RABGAP1L: variants seen among roughly 807,000 people sequenced by gnomAD.
RABGAP1L encodes rab GTPase-activating protein 1-like.
A neutral mutation model predicts 137.7 loss-of-function variants in RABGAP1L; 63 were observed. The observed-to-expected ratio is 0.46, with a 90% CI of 0.37 to 0.56. The LOEUF is 0.56. RABGAP1L is among the 20% of genes least tolerant of loss of function. The pLI, the probability that RABGAP1L is intolerant of heterozygous loss-of-function variation, is 0.00. For missense variants in RABGAP1L, 1,095 were observed against 1,244.0 expected (o/e 0.88, Z 1.80); for synonymous variants, 431 against 433.7 (o/e 0.99, Z 0.08).
At chr1:174,293,947 G>T (rs1177788923) in intron 10 of RABGAP1L, among the ~76,000 whole-genome samples, 1 of 151,982 alleles carries the variant, frequency 6.6e-6, no homozygotes, top group Non-Finnish European at 1.5e-5. Flanking sequence ...TAGTTCAGAA[G>T]CAGCACTCAC....
chr1:174,886,925 G>A (rs1038262409), intron 19 of RABGAP1L, among the ~76,000 whole-genome samples: 5 of 151,944 alleles, frequency 3.3e-5, no homozygotes, highest in African/African-American at 9.7e-5. Flanking sequence ...TCTTGCCTCA[G>A]CCTCCTGATT....
At chr1:174,981,824 T>G (rs1269130478) in intron 23 of RABGAP1L, among the ~76,000 whole-genome samples, 1 of 152,148 alleles carries the variant, frequency 6.6e-6, no homozygotes, top group Non-Finnish European at 1.5e-5. Flanking sequence ...TCAGAATCAA[T>G]AAGAAGAATA....
intron 12 of RABGAP1L, among the ~76,000 whole-genome samples, chr1:174,379,270 G>A (rs1019308187): frequency 1.2e-4 from 18 of 148,936 alleles, no homozygotes; most frequent in African/African-American, 4.3e-4. Context: ...GGCGATGCGG[G>A]CTGTTTTTTG....
At chr1:174,170,173 A>G (rs1369568408) in intron 1 of RABGAP1L, among the ~76,000 whole-genome samples, 1 of 152,330 alleles carries the variant, frequency 6.6e-6, no homozygotes, top group East Asian at 1.9e-4. Flanking sequence ...TGTGAAATTC[A>G]GAGAGAATAA....
intron 1 of RABGAP1L, among the ~76,000 whole-genome samples, chr1:174,201,936 A>G (rs970181299): frequency 7.9e-5 from 12 of 151,582 alleles, no homozygotes; most frequent in African/African-American, 2.9e-4. Context: ...TTTGCTGAGA[A>G]TGATGGTTTC....
At chr1:174,928,904 A>C (rs1476523882) in intron 19 of RABGAP1L, among the ~76,000 whole-genome samples, 2 of 152,288 alleles carry the variant, frequency 1.3e-5, no homozygotes, top group East Asian at 3.9e-4. Flanking sequence ...CAAATATAGC[A>C]GTGATTTTCA....
At chr1:174,320,328 A>C (rs1679833633) in intron 11 of RABGAP1L, among the ~76,000 whole-genome samples, 2 of 152,148 alleles carry the variant, frequency 1.3e-5, no homozygotes, top group African/African-American at 4.8e-5. Flanking sequence ...TTTCATATAC[A>C]TGGAATCACT....
intron 19 of RABGAP1L, among the ~76,000 whole-genome samples, chr1:174,862,809 T>G (rs1650474282): frequency 6.6e-6 from 1 of 152,268 alleles, no homozygotes; most frequent in East Asian, 1.9e-4. Flanking sequence ...TTATTTTAAA[T>G]TTATATATTT....
chr1:174,717,590 C>A (rs1422280315), intron 17 of RABGAP1L, among the ~76,000 whole-genome samples: 1 of 152,116 alleles, frequency 6.6e-6, no homozygotes, highest in Non-Finnish European at 1.5e-5. Flanking sequence ...AAGGTTGAAG[C>A]TAATATGAGT....
intron 13 of RABGAP1L, among the ~76,000 whole-genome samples, chr1:174,621,156 G>A (rs1292047718): frequency 6.6e-6 from 1 of 152,096 alleles, no homozygotes; most frequent in African/African-American, 2.4e-5. Flanking sequence ...GGGACATGAA[G>A]GACCTCTTCA....
At chr1:174,780,103 TA>T (rs1558070524) in intron 18 of RABGAP1L, among the ~76,000 whole-genome samples, 13,572 of 150,048 alleles carry the variant, frequency 0.09, 816 homozygotes, top group Non-Finnish European at 0.12. Flanking sequence ...AATAAATAAA[TA>T]AATAAATAAA....
At chr1:174,367,168 T>A (rs900446890) in intron 11 of RABGAP1L, 1 of 152,784 alleles carries the variant, frequency 6.5e-6, no homozygotes, top group African/African-American at 2.4e-5. Flanking sequence ...TTTCTCAGGA[T>A]CCCAAAGTGC....
At chr1:174,663,424 T>C (rs1037782186) in intron 14 of RABGAP1L, among the ~76,000 whole-genome samples, 1 of 152,210 alleles carries the variant, frequency 6.6e-6, no homozygotes. Flanking sequence ...AGTTTGTAGC[T>C]GAGAAGCAAC....
At chr1:174,231,784 G>C (rs750941441) in intron 4 of RABGAP1L, among the ~76,000 whole-genome samples, 10 of 152,174 alleles carry the variant, frequency 6.6e-5, no homozygotes, top group Non-Finnish European at 1.0e-4. Flanking sequence ...GGTGCCACAC[G>C]CTTTTAAACA....
At chr1:174,337,836 A>AC (rs1681616684) in intron 11 of RABGAP1L, among the ~76,000 whole-genome samples, 1 of 152,218 alleles carries the variant, frequency 6.6e-6, no homozygotes, top group East Asian at 1.9e-4. Flanking sequence ...AATTTAAAAA[A>AC]TATTTGTGTA....
At chr1:174,191,783 G>C (rs553916000) in intron 1 of RABGAP1L, among the ~76,000 whole-genome samples, 93 of 152,242 alleles carry the variant, frequency 6.1e-4, no homozygotes, top group South Asian at 1.9e-3. Context: ...GATGCTTGGG[G>C]CATAAGCTGA....
intron 11 of RABGAP1L, among the ~76,000 whole-genome samples, chr1:174,305,557 T>C (rs1356114812): frequency 6.6e-6 from 1 of 151,952 alleles, no homozygotes; most frequent in Non-Finnish European, 1.5e-5. Flanking sequence ...TACTTTTTTT[T>C]GTATTTTTAG....
intron 13 of RABGAP1L, among the ~76,000 whole-genome samples, chr1:174,498,737 G>T (rs1044259671): frequency 6.7e-6 from 1 of 148,560 alleles, no homozygotes; most frequent in Admixed American, 6.8e-5. Flanking sequence ...TCTTGAACTC[G>T]CGACCTCAAG....
chr1:174,291,277 A>T (rs911578434), intron 10 of RABGAP1L, among the ~76,000 whole-genome samples: 1 of 136,504 alleles, frequency 7.3e-6, no homozygotes, highest in Non-Finnish European at 1.6e-5. Context: ...GATTTTTTTT[A>T]AACATTAAGC....
Sources: gnomAD v4.1 joint callset for allele counts (sites outside exome capture counted in the v4.1 genomes callset) on GRCh38, gnomAD v4.1.1 for gene constraint, MANE v1.5 for transcripts, NCBI Gene and HGNC (gene_info 2026-07-23, HGNC 2026-07-21) for gene names.